The following ZNF705G variants were observed in gnomAD, a reference collection of about 807,000 sequenced individuals.
ZNF705G encodes the protein zinc finger protein 705G.
Under a neutral mutation model 19.6 loss-of-function variants are expected in ZNF705G, and 23 were observed. That is an observed-to-expected ratio of 1.17 (90% confidence interval 0.84 to 1.66). The LOEUF (loss-of-function observed/expected upper bound fraction) is 1.66. Ranked by LOEUF, ZNF705G falls within the 40% of genes most tolerant of loss-of-function variation. The pLI, the probability that ZNF705G is intolerant of heterozygous loss-of-function variation, is 0.00. For synonymous variants in ZNF705G, 146 were observed against 117.7 expected (o/e 1.24, Z -1.56); for missense variants, 457 against 354.4 (o/e 1.29, Z -2.32).
intron 2 of ZNF705G, among the ~76,000 whole-genome samples, chr8:7,378,789 C>T (rs1807354022): frequency 6.8e-6 from 1 of 146,042 alleles, no homozygotes; most frequent in Admixed American, 6.6e-5. Flanking sequence ...ATTGGGCCCA[C>T]CTGGATAATC....
chr8:7,360,848 G>T (rs572563098), intron 4 of ZNF705G, among the ~76,000 whole-genome samples: 2 of 149,430 alleles, frequency 1.3e-5, no homozygotes, highest in Non-Finnish European at 2.9e-5. Flanking sequence ...GGTCTGTTAT[G>T]AGTATTAGAG....
rs766170136 is a variant in ZNF705G at position 7,357,937 on chromosome 8, G to T, written c.*39C>A. ...GTCTGAAGGCTTTCCCACATAAATG[G>T]CATTCATATGGCTTTTCTCCAGTGC... On this transcript the variant is annotated 3_prime_UTR_variant, in exon 7 of 7. Transcript: ENST00000400156. 6 of 1,605,534 alleles carry T rather than the reference G, an allele frequency of 3.7e-6. No homozygotes were observed. In the East Asian group the frequency reaches 1.3e-4, roughly 36 times the overall value.
chr8:7,366,717 A>G (rs1281990841), intron 2 of ZNF705G, among the ~76,000 whole-genome samples: 12 of 149,742 alleles, frequency 8.0e-5, no homozygotes, highest in African/African-American at 2.8e-4. Flanking sequence ...AATGAAATTT[A>G]AACATTGCTT....
intron 2 of ZNF705G, among the ~76,000 whole-genome samples, chr8:7,365,533 C>A (rs1436413857): frequency 6.7e-6 from 1 of 149,228 alleles, no homozygotes; most frequent in Non-Finnish European, 1.5e-5. Flanking sequence ...CTTGCGCCAT[C>A]GTGCTCGGCT....
At chr8:7,380,410 T>C (rs1225425878) in intron 2 of ZNF705G, among the ~76,000 whole-genome samples, 3 of 147,600 alleles carry the variant, frequency 2.0e-5, no homozygotes, top group Non-Finnish European at 4.4e-5. Context: ...CCCAGCCTGG[T>C]GGTGCCTGTG....
At chr8:7,367,101 A>C (rs1322929620) in intron 2 of ZNF705G, among the ~76,000 whole-genome samples, 2 of 149,746 alleles carry the variant, frequency 1.3e-5, no homozygotes, top group Non-Finnish European at 2.9e-5. Context: ...AAGGCACACA[A>C]ATAGTGAACA....
chr8:7,381,957 T>G (rs142733786), intron 1 of ZNF705G, among the ~76,000 whole-genome samples: 2 of 152,298 alleles, frequency 1.3e-5, no homozygotes, highest in African/African-American at 4.8e-5. Context: ...TTTGGGTAAC[T>G]AATACTTAAA....
chr8:7,384,187 A>C (rs1807630273), intron 1 of ZNF705G, among the ~76,000 whole-genome samples: 1 of 136,100 alleles, frequency 7.3e-6, no homozygotes, highest in Admixed American at 7.0e-5. Flanking sequence ...TTGCTCTGCC[A>C]TTCATCAACT....
At chr8:7,384,646 C>T (rs1377422503) in intron 1 of ZNF705G, among the ~76,000 whole-genome samples, 2 of 145,100 alleles carry the variant, frequency 1.4e-5, no homozygotes, top group East Asian at 1.9e-4. Flanking sequence ...CCTTTTAGGG[C>T]CCATGGAATT....
At chr8:7,378,070 G>A (rs529911016) in intron 2 of ZNF705G, among the ~76,000 whole-genome samples, 43 of 149,754 alleles carry the variant, frequency 2.9e-4, no homozygotes, top group Non-Finnish European at 4.4e-4. Context: ...ATGACATACA[G>A]CAGGGTGGGG....
At chr8:7,369,483 C>T (rs1807001577) in intron 2 of ZNF705G, among the ~76,000 whole-genome samples, 2 of 149,634 alleles carry the variant, frequency 1.3e-5, no homozygotes, top group South Asian at 2.1e-4. Flanking sequence ...TCAGCTTGCA[C>T]CCTGAGCCTG....
chr8:7,384,310 T>G (rs1451596569), intron 1 of ZNF705G, among the ~76,000 whole-genome samples: 3 of 145,512 alleles, frequency 2.1e-5, no homozygotes, highest in Non-Finnish European at 2.9e-5. Flanking sequence ...AAAAAAATCT[T>G]AGGAGGAGTC....
chr8:7,358,627 C>T, intron 6 of ZNF705G, 67 bp from the exon 7 acceptor site: 2 of 1,594,428 alleles, frequency 1.3e-6, no homozygotes, highest in Non-Finnish European at 1.7e-6. Flanking sequence ...ATTTCACTAC[C>T]TTTGAATCCT....
At chr8:7,385,089 T>C (rs2719515) in intron 1 of ZNF705G, among the ~76,000 whole-genome samples, 3 of 147,576 alleles carry the variant, frequency 2.0e-5, no homozygotes, top group Admixed American at 1.3e-4. Flanking sequence ...TTGACAGCAA[T>C]AGAGCTTGAG....
At position 7,355,832 on chromosome 8, in the gene ZNF705G, G is replaced by A. The variant is rs147349140; in HGVS notation, c.*2144C>T. The A allele has an allele frequency of 6.7e-6, 1 of 149,682 alleles. No homozygotes were observed. Among genetic ancestry groups the A allele is most frequent in the African/African-American group, 2.6e-5 (1 of 39,106 alleles). 9.3% of individuals were successfully genotyped at this position (149,682 alleles called of 1,614,324 possible). ...ATGATATGAGCTCTGCCTGGACACAGTCCTTGCCTCTCCAACCAGTTTGCC... is the reference window on the plus strand; with the variant it reads ...ATGATATGAGCTCTGCCTGGACACAATCCTTGCCTCTCCAACCAGTTTGCC... On this transcript the variant is annotated 3_prime_UTR_variant, in exon 7 of 7. Transcript: ENST00000400156.
In ZNF705G at chr8:7,364,910, A is replaced by T. The variant is rs1290574233; in HGVS notation, c.-71-1893T>A. On this transcript the variant is annotated intron_variant, in intron 2 of 6. Transcript: ENST00000400156. ...AATAAGATATTAGAGAATGCCTACA[A>T]AGCTTCAGTGAAACCAGCTGTAACC... Among the ~76,000 whole-genome samples, 27 of 149,612 alleles carry T rather than the reference A, an allele frequency of 1.8e-4. 2 individuals carry two copies. The highest frequency in any genetic ancestry group is 6.7e-4 in the African/African-American group (26 of 39,042).
chr8:7,379,642 C>G (rs748436396), intron 2 of ZNF705G, among the ~76,000 whole-genome samples: 1 of 147,210 alleles, frequency 6.8e-6, no homozygotes, highest in Non-Finnish European at 1.5e-5. Context: ...AAAGCCAGGA[C>G]AGGCTCTCCA....
chr8:7,381,880 T>A (rs1471058057), intron 1 of ZNF705G, among the ~76,000 whole-genome samples: 1 of 151,516 alleles, frequency 6.6e-6, no homozygotes, highest in Non-Finnish European at 1.5e-5. Flanking sequence ...ACCTACTGTA[T>A]CTAAAATAAG....
At chr8:7,368,295 C>T (rs1177438547) in intron 2 of ZNF705G, among the ~76,000 whole-genome samples, 1 of 149,342 alleles carries the variant, frequency 6.7e-6, no homozygotes, top group Non-Finnish European at 1.5e-5. Flanking sequence ...AAAATATGAA[C>T]ATTAATTCCT....
Sources: gnomAD v4.1 joint callset for allele counts (sites outside exome capture counted in the v4.1 genomes callset) on GRCh38, gnomAD v4.1.1 for gene constraint, MANE v1.5 for transcripts, NCBI Gene and HGNC (gene_info 2026-07-23, HGNC 2026-07-21) for gene names.